UBE2W: variants seen among roughly 807,000 people sequenced by gnomAD.
UBE2W encodes the protein ubiquitin-conjugating enzyme E2 W.
Under a neutral mutation model 27.2 loss-of-function variants are expected in UBE2W, and 18 were observed. That is an observed-to-expected ratio of 0.66 (90% CI 0.46 to 0.98). The LOEUF (loss-of-function observed/expected upper bound fraction) is 0.98. UBE2W is among the 50% of genes least tolerant of loss of function. UBE2W has a pLI of 0.00. For missense variants in UBE2W, 90 were observed against 180.2 expected, an observed-to-expected ratio of 0.50 and a Z score of 2.87; for synonymous variants, 53 against 57.2, an observed-to-expected ratio of 0.93 and a Z score of 0.33.
intron 2 of UBE2W, among the ~76,000 whole-genome samples, chr8:73,829,502 T>C (rs1372424624): frequency 6.6e-6 from 1 of 152,126 alleles, no homozygotes; most frequent in African/African-American, 2.4e-5. Context: ...CTATGTATGA[T>C]ATATACAAAA....
intron 4 of UBE2W, among the ~76,000 whole-genome samples, chr8:73,806,471 G>A (rs1324213382): frequency 1.3e-5 from 2 of 151,408 alleles, no homozygotes; most frequent in African/African-American, 2.4e-5. Flanking sequence ...AGGCCGAGGC[G>A]GGTGGATCAC....
chr8:73,859,144 T>C (rs1811438291), intron 1 of UBE2W, among the ~76,000 whole-genome samples: 2 of 152,122 alleles, frequency 1.3e-5, no homozygotes, highest in African/African-American at 2.4e-5. Flanking sequence ...TTCTTCTGCC[T>C]TTGTCACTCC....
intron 1 of UBE2W, among the ~76,000 whole-genome samples, chr8:73,843,355 G>C (rs151114320): frequency 6.6e-6 from 1 of 152,104 alleles, no homozygotes; most frequent in East Asian, 1.9e-4. Context: ...TTTTTTCACC[G>C]AGCACAATGG....
intron 1 of UBE2W, among the ~76,000 whole-genome samples, chr8:73,837,692 A>G (rs182784071): frequency 6.6e-6 from 1 of 152,258 alleles, no homozygotes; most frequent in Non-Finnish European, 1.5e-5. Flanking sequence ...CTCCCACCCC[A>G]GCCTCCCAAA....
chr8:73,851,002 G>C, intron 1 of UBE2W, among the ~76,000 whole-genome samples: 1 of 151,784 alleles, frequency 6.6e-6, no homozygotes, highest in East Asian at 1.9e-4. Context: ...TGGAAACACA[G>C]GCATGCACCA....
rs1165219532 is a variant in UBE2W, at chr8:73,787,981, A to G, written c.*6121T>C. 4.1e-6 allele frequency: 4 copies of G among 985,406 alleles called. No individual in the cohort carries two copies. Among genetic ancestry groups the G allele is most frequent in the Middle Eastern group, 5.2e-4 (1 of 1,914 alleles). The allele number at this position is 985,406 out of a possible 1,614,324, so 61.0% of individuals were successfully genotyped here. On this transcript the variant is annotated 3_prime_UTR_variant, in exon 6 of 6. Coordinates refer to ENST00000602593, the MANE Select transcript of UBE2W (RefSeq NM_018299.6). ...TGACTATCTTCATTCTGTTGCACTC[A>G]TTTTGGAAATGGACATGTTCCTGTT...
At chr8:73,802,725 C>G (rs1173776605) in intron 5 of UBE2W, among the ~76,000 whole-genome samples, 1 of 151,812 alleles carries the variant, frequency 6.6e-6, no homozygotes, top group Non-Finnish European at 1.5e-5. Flanking sequence ...CCCGTCTCTA[C>G]TAAAAATACA....
rs769750695 is a variant in UBE2W at position 73,787,722 on chromosome 8, A to G, written c.*6380T>C. 597 of 985,284 alleles carry G rather than the reference A, an allele frequency of 6.1e-4. 2 individuals carry two copies. The highest frequency in any genetic ancestry group is 6.7e-4 in the Non-Finnish European group (560 of 829,916). 61.0% of individuals were successfully genotyped at this position (985,284 alleles called of 1,614,324 possible). A position where few individuals can be genotyped will look rare whatever the true frequency, so the allele number is the denominator to read the frequency against. On this transcript the variant is annotated 3_prime_UTR_variant, in exon 6 of 6. Transcript: ENST00000602593. ...TGCAGCTTCAAGAGTCACTCATTTAAGTCATTAGTTGATCTGTTTGTATAC... is the reference window on the plus strand; with the variant it reads ...TGCAGCTTCAAGAGTCACTCATTTAGGTCATTAGTTGATCTGTTTGTATAC...
chr8:73,873,698 G>C (rs1812102461), intron 1 of UBE2W, among the ~76,000 whole-genome samples: 1 of 152,170 alleles, frequency 6.6e-6, no homozygotes, highest in East Asian at 1.9e-4. Context: ...CCAAAATAAT[G>C]CATTATTTCT....
At chr8:73,815,641 T>C (rs1809352638) in intron 3 of UBE2W, among the ~76,000 whole-genome samples, 2 of 152,320 alleles carry the variant, frequency 1.3e-5, no homozygotes, top group East Asian at 1.9e-4. Flanking sequence ...AAAGGCCTTA[T>C]GGTACTGAGA....
chr8:73,833,369 A>T (rs1810169569), intron 1 of UBE2W, among the ~76,000 whole-genome samples: 1 of 151,808 alleles, frequency 6.6e-6, no homozygotes, highest in Non-Finnish European at 1.5e-5. Context: ...TAAAATTTTA[A>T]ATGATTTTAT....
chr8:73,832,563 A>G (rs1197526104), intron 1 of UBE2W, among the ~76,000 whole-genome samples: 1 of 152,236 alleles, frequency 6.6e-6, no homozygotes, highest in Admixed American at 6.5e-5. Context: ...GATGCTGTAA[A>G]GCAGTTATGA....
At chr8:73,878,719 T>C in intron 1 of UBE2W, 89 bp downstream of exon 1, 2 of 1,198,902 alleles carry the variant, frequency 1.7e-6, no homozygotes. Flanking sequence ...CGCCCGGGTG[T>C]CCCCGAATCG....
intron 5 of UBE2W, among the ~76,000 whole-genome samples, chr8:73,802,332 G>A (rs1429233949): frequency 6.6e-6 from 1 of 152,036 alleles, no homozygotes; most frequent in East Asian, 1.9e-4. Flanking sequence ...TCTTAAACTG[G>A]TAATTATTTT....
At position 73,790,938 on chromosome 8, in the gene UBE2W, T is replaced by C. The variant is rs1808163921; in HGVS notation, c.*3164A>G. 1.0e-6 allele frequency: 1 copy of C among 981,070 alleles called. No homozygotes were observed. The highest frequency in any genetic ancestry group is 1.2e-6 in the Non-Finnish European group (1 of 825,992). The allele number at this position is 981,070 out of a possible 1,614,324, so 60.8% of individuals were successfully genotyped here. A position where few individuals can be genotyped will look rare whatever the true frequency, so the allele number is the denominator to read the frequency against. On this transcript the variant is annotated 3_prime_UTR_variant, in exon 6 of 6. Coordinates refer to ENST00000602593, the MANE Select transcript of UBE2W (RefSeq NM_018299.6). Reference sequence around the variant, plus strand: ...AATGATATATATATTTGCATATATTTAAAATTTCATGAGGGAAAAGGTAAT... The same window carrying C: ...AATGATATATATATTTGCATATATTCAAAATTTCATGAGGGAAAAGGTAAT...
Position 73,802,933 on chromosome 8 carries a change from G to A in UBE2W, c.442+2718C>T, listed in dbSNP as rs574383063. The stretch of plus-strand genomic sequence containing the variant: ...AGCTACGCGGGAGGCTGAGGCAGGA[G>A]AATGGTGTGAACCCTGGGAGGTGGA... On this transcript the variant is annotated intron_variant, in intron 5 of 5. Transcript: ENST00000602593. Among the ~76,000 whole-genome samples, 7 of 152,330 alleles carry A rather than the reference G, an allele frequency of 4.6e-5. No homozygotes were observed. The East Asian group carries it at 7.7e-4, about 17-fold the overall frequency.
At chr8:73,836,526 G>A (rs1005386177) in intron 1 of UBE2W, among the ~76,000 whole-genome samples, 1 of 152,176 alleles carries the variant, frequency 6.6e-6, no homozygotes, top group East Asian at 1.9e-4. Context: ...TCCTGAAGTC[G>A]TGATTCTAAA....
chr8:73,827,126 A>G (rs1490964150), intron 2 of UBE2W, among the ~76,000 whole-genome samples: 1 of 152,252 alleles, frequency 6.6e-6, no homozygotes, highest in Non-Finnish European at 1.5e-5. Flanking sequence ...GAGCTAAGCA[A>G]GTATCTCATC....
intron 3 of UBE2W, among the ~76,000 whole-genome samples, chr8:73,816,063 A>G (rs1388359130): frequency 6.6e-6 from 1 of 152,180 alleles, no homozygotes; most frequent in Non-Finnish European, 1.5e-5. Flanking sequence ...TTTCCATTCA[A>G]TTCTCCCTTT....
Sources: gnomAD v4.1 joint callset for allele counts (sites outside exome capture counted in the v4.1 genomes callset) on GRCh38, gnomAD v4.1.1 for gene constraint, MANE v1.5 for transcripts, NCBI Gene and HGNC (gene_info 2026-07-23, HGNC 2026-07-21) for gene names.